Variants in BID observed in about 807,000 individuals in gnomAD.
BID encodes the protein BH3-interacting domain death agonist.
BID carries 19 observed loss-of-function variants against 17.4 expected under a neutral mutation model. That is an observed-to-expected ratio of 1.09 (90% CI 0.76 to 1.60). The LOEUF (loss-of-function observed/expected upper bound fraction) is 1.60, where lower values mean the gene tolerates loss of function less well. BID is among the 40% of genes most tolerant of loss of function. The pLI is 0.00. For missense variants in BID, 226 were observed against 256.0 expected (o/e 0.88, Z 0.80); for synonymous variants, 108 against 102.8 (o/e 1.05, Z -0.31).
intron 1 of BID, among the ~76,000 whole-genome samples, chr22:17,760,673 C>T (rs1046647711): frequency 6.6e-6 from 1 of 152,034 alleles, no homozygotes; most frequent in African/African-American, 2.4e-5. Context: ...TCCAGCCTCA[C>T]GAAGCCCTGG....
At chr22:17,763,976 A>G (rs1229282773) in intron 1 of BID, among the ~76,000 whole-genome samples, 1 of 152,052 alleles carries the variant, frequency 6.6e-6, no homozygotes, top group Non-Finnish European at 1.5e-5. Flanking sequence ...AAACTCCCCC[A>G]TAAACCTAAA....
rs1569056982 is a variant in BID at position 17,773,593 on chromosome 22, G to GC, written c.-59+787dup. The stretch of plus-strand genomic sequence containing the variant: ...GGCCGGTCCAGCCGCAGAAGGCCCA[G>GC]CCCCCAGCCCACTTACAGAATCCGC... On this transcript the variant is annotated intron_variant, in intron 1 of 5. Transcript: ENST00000622694. This position sits in a 1 kb window ranked among gnomAD's most constrained non-coding sequence, Gnocchi z 4.4. 9.3e-6 allele frequency: 15 copies of GC among 1,612,174 alleles called. No individual in the cohort carries two copies. Among genetic ancestry groups the GC allele is most frequent in the Non-Finnish European group, 1.3e-5 (15 of 1,179,800 alleles).
At chr22:17,747,100 C>T (rs1381530493) in intron 2 of BID, among the ~76,000 whole-genome samples, 1 of 152,116 alleles carries the variant, frequency 6.6e-6, no homozygotes, top group Non-Finnish European at 1.5e-5. Context: ...AGAATGGCAC[C>T]TGCCAGAGGA....
intron 1 of BID, among the ~76,000 whole-genome samples, chr22:17,752,431 C>T (rs190670040): frequency 6.6e-6 from 1 of 152,310 alleles, no homozygotes; most frequent in East Asian, 1.9e-4. Context: ...TAGCAAATAC[C>T]ACTAACCCAT....
intron 3 of BID, chr22:17,740,962 T>C (rs1442616641): frequency 1.3e-5 from 2 of 152,254 alleles, no homozygotes; most frequent in Non-Finnish European, 2.9e-5. Context: ...AAGTGTTCAA[T>C]AGATGCCAGC....
chr22:17,762,607 G>A (rs1310345314), intron 1 of BID, among the ~76,000 whole-genome samples: 1 of 150,330 alleles, frequency 6.7e-6, no homozygotes, highest in Non-Finnish European at 1.5e-5. Context: ...CTAGAGTGCA[G>A]TAGCACGATC....
intron 2 of BID, among the ~76,000 whole-genome samples, chr22:17,745,116 T>C (rs1280005393): frequency 6.6e-6 from 1 of 151,958 alleles, no homozygotes; most frequent in Non-Finnish European, 1.5e-5. Flanking sequence ...AGTGGTGTGA[T>C]CTCGGCTCAC....
In BID at chr22:17,757,483, C is replaced by T. The variant is rs552800265; in HGVS notation, c.-58-7309G>A. On this transcript the variant is annotated intron_variant, in intron 1 of 5. Transcript: ENST00000622694. Reference sequence around the variant, plus strand: ...CAGCACTTTGGGAGGCCGAGGCGGGCGGATCACAAGGTCAGGAGATCCAGA... The same window carrying T: ...CAGCACTTTGGGAGGCCGAGGCGGGTGGATCACAAGGTCAGGAGATCCAGA... Among the ~76,000 whole-genome samples the T allele has an allele frequency of 7.4e-3, 1,104 of 148,292 alleles. 15 individuals carry two copies. The highest frequency in any genetic ancestry group is 0.022 in the South Asian group (104 of 4,690).
chr22:17,739,866 G>A (rs1023577542), intron 3 of BID: 2 of 618,458 alleles, frequency 3.2e-6, no homozygotes, highest in Non-Finnish European at 5.7e-6. Flanking sequence ...GTTGGGGAAG[G>A]GGCTCTGTGG....
chr22:17,742,229 A>G, intron 3 of BID, among the ~76,000 whole-genome samples: 1 of 152,160 alleles, frequency 6.6e-6, no homozygotes, highest in African/African-American at 2.4e-5. Flanking sequence ...TGCAGGTGCC[A>G]CTTGAGTCAA....
In BID at chr22:17,773,692, G is replaced by T; in HGVS notation, c.-59+689C>A. 6.2e-7 allele frequency: 1 copy of T among 1,608,880 alleles called. No individual in the cohort carries two copies. Among genetic ancestry groups the T allele is most frequent in the African/African-American group, 1.3e-5 (1 of 74,988 alleles). ...ATGACCCCAGCACCGCTGCACATTC[G>T]TATTTGTTGAATGAATGAATGAACC... On this transcript the variant is annotated intron_variant, in intron 1 of 5. Transcript: ENST00000622694. This position sits in a 1 kb window ranked among gnomAD's most constrained non-coding sequence, Gnocchi z 4.4.
chr22:17,761,756 A>G (rs1569051028), intron 1 of BID, among the ~76,000 whole-genome samples: 1 of 152,158 alleles, frequency 6.6e-6, no homozygotes, highest in African/African-American at 2.4e-5. Context: ...TTTGAAGGCA[A>G]AGGCATTAAT....
intron 1 of BID, among the ~76,000 whole-genome samples, chr22:17,760,965 A>G (rs760964701): frequency 6.6e-6 from 1 of 152,240 alleles, no homozygotes; most frequent in Non-Finnish European, 1.5e-5. Context: ...GCCTCCCGCC[A>G]AGCCCAGAAC....
intron 3 of BID, among the ~76,000 whole-genome samples, chr22:17,741,651 T>A (rs1966450): frequency 0.017 from 2,597 of 151,928 alleles, 33 homozygotes; most frequent in East Asian, 0.067. Flanking sequence ...TTTTATATAT[T>A]TTTTTTAGTA....
chr22:17,755,114 T>G (rs2061572729), intron 1 of BID, among the ~76,000 whole-genome samples: 1 of 134,910 alleles, frequency 7.4e-6, no homozygotes, highest in Admixed American at 8.1e-5. Flanking sequence ...AGTCGGAGTC[T>G]TGCTCTGTCG....
chr22:17,747,959 C>G (rs997041053), intron 2 of BID, among the ~76,000 whole-genome samples: 1 of 152,040 alleles, frequency 6.6e-6, no homozygotes, highest in African/African-American at 2.4e-5. Flanking sequence ...GCCTGCAATC[C>G]CAGCACTATG....
chr22:17,757,440 C>T lies in BID; in HGVS notation c.-58-7266G>A, dbSNP rs1186035019. On this transcript the variant is annotated intron_variant, in intron 1 of 5. Coordinates refer to ENST00000622694, the MANE Select transcript of BID (RefSeq NM_001196.4). ...AAAAAAAAAAAATGCCAGGCGCAGTCGCTCATGCCTGTAATCTCAGCACTT... is the reference window on the plus strand; with the variant it reads ...AAAAAAAAAAAATGCCAGGCGCAGTTGCTCATGCCTGTAATCTCAGCACTT... Among the ~76,000 whole-genome samples the T allele has an allele frequency of 3.5e-5, 5 of 142,388 alleles. 1 individual carries two copies. The South Asian group carries it at 6.7e-4, about 19-fold the overall frequency. 93.4% of individuals were successfully genotyped at this position (142,388 alleles called of 152,430 possible).
At chr22:17,736,755 G>A (rs1441572367) in intron 5 of BID, among the ~76,000 whole-genome samples, 3 of 151,896 alleles carry the variant, frequency 2.0e-5, no homozygotes, top group African/African-American at 7.3e-5. Context: ...CTGAGGAGCT[G>A]CCTCAACCTC....
chr22:17,773,769 C>G lies in BID; in HGVS notation c.-59+612G>C, dbSNP rs1473247316. On this transcript the variant is annotated intron_variant, in intron 1 of 5. Transcript: ENST00000622694. The surrounding 1 kb of genome is among the most constrained non-coding windows in gnomAD (Gnocchi z 4.4). ...GAGGGCTTCAGAGCTCTCCCAGGGTCCCCTGGGGTCATTCAGCCACTCAAC... is the reference window on the plus strand; with the variant it reads ...GAGGGCTTCAGAGCTCTCCCAGGGTGCCCTGGGGTCATTCAGCCACTCAAC... 7.5e-7 allele frequency: 1 copy of G among 1,331,766 alleles called. No individual in the cohort carries two copies. The highest frequency in any genetic ancestry group is 1.2e-5 in the South Asian group (1 of 81,464). 82.5% of individuals were successfully genotyped at this position (1,331,766 alleles called of 1,614,324 possible).
Sources: gnomAD v4.1 joint callset for allele counts (sites outside exome capture counted in the v4.1 genomes callset) on GRCh38, gnomAD v4.1.1 for gene constraint, Gnocchi (gnomAD v3.1) non-coding constraint, MANE v1.5 for transcripts, NCBI Gene and HGNC (gene_info 2026-07-23, HGNC 2026-07-21) for gene names.